ABCA1: variants seen among roughly 807,000 people sequenced by gnomAD.
ABCA1 encodes the protein phospholipid-transporting ATPase ABCA1.
In ABCA1, 133 loss-of-function variants were observed where a neutral mutation model predicts 262.5. That is an observed-to-expected ratio of 0.51 (90% confidence interval 0.44 to 0.59). The LOEUF (loss-of-function observed/expected upper bound fraction) is 0.59. ABCA1 is among the 20% of genes least tolerant of loss of function. ABCA1 has a pLI of 0.00. For missense variants in ABCA1, 2,452 were observed against 2,777.5 expected, an observed-to-expected ratio of 0.88 and a Z score of 2.63; for synonymous variants, 1,022 against 1,043.5, an observed-to-expected ratio of 0.98 and a Z score of 0.40.
At chr9:104,911,785 T>C (rs958810331) in intron 1 of ABCA1, among the ~76,000 whole-genome samples, 1 of 152,112 alleles carries the variant, frequency 6.6e-6, no homozygotes, top group South Asian at 2.1e-4. Context: ...GTTCCTATTT[T>C]TAAAGGCAAC....
At chr9:104,845,315 A>G (rs1225039380) in intron 8 of ABCA1, among the ~76,000 whole-genome samples, 162 bp downstream of exon 8, 3 of 152,272 alleles carry the variant, frequency 2.0e-5, no homozygotes, top group Admixed American at 6.5e-5. Flanking sequence ...CATTTCTAAA[A>G]TAAGGAAATC....
At chr9:104,798,984 A>G (rs1830117221) in intron 36 of ABCA1, among the ~76,000 whole-genome samples, 2 of 152,190 alleles carry the variant, frequency 1.3e-5, no homozygotes, top group South Asian at 4.1e-4. Context: ...TGAGAGCAGA[A>G]ATATTACTCT....
chr9:104,892,717 G>A (rs1180356734), intron 2 of ABCA1, among the ~76,000 whole-genome samples: 1 of 151,736 alleles, frequency 6.6e-6, no homozygotes, highest in Non-Finnish European at 1.5e-5. Flanking sequence ...GAGCCCTTTG[G>A]GAAAGCAATG....
rs1832777409 is a variant in ABCA1 at position 104,825,956 on chromosome 9, A to T, written c.2338-69T>A. On this transcript the variant is annotated intron_variant, in intron 16 of 49. Transcript: ENST00000374736. ...CTCATTTTTCTATCTCTTCTAGTGT[A>T]AATTATACCTGGAGAAATTTGAATT... The T allele has an allele frequency of 2.6e-6, 4 of 1,535,292 alleles. No homozygotes were observed. In the African/African-American group the frequency reaches 5.5e-5, roughly 21 times the overall value.
chr9:104,793,496 C>T (rs1035205804), intron 40 of ABCA1, among the ~76,000 whole-genome samples, 196 bp from the exon 41 acceptor site: 1 of 150,990 alleles, frequency 6.6e-6, no homozygotes, highest in African/African-American at 2.4e-5. Context: ...TTTTTATGAC[C>T]CAGTATCAAT....
At chr9:104,902,305 A>G (rs1010689595) in intron 2 of ABCA1, among the ~76,000 whole-genome samples, 7 of 152,234 alleles carry the variant, frequency 4.6e-5, no homozygotes, top group Non-Finnish European at 1.0e-4. Flanking sequence ...TTGTGTTGGC[A>G]CCAGTATAAT....
Position 104,845,505 on chromosome 9 carries a change from A to G in ABCA1, c.785T>C (p.Leu262Pro). 1.9e-6 allele frequency: 3 copies of G among 1,614,104 alleles called. No individual in the cohort carries two copies. The highest frequency in any genetic ancestry group is 2.5e-6 in the Non-Finnish European group (3 of 1,179,948). The change falls in exon 8 of 50, where the codon CTG (leucine) becomes CCG (proline). Residue 262 changes from leucine to proline, a missense_variant. By Grantham distance (98) the Leu-to-Pro change is moderately conservative (BLOSUM62 -3). This residue lies in a region of ABCA1 where 1,032 missense variants were observed against 1,089.7 expected (regional missense o/e 0.95). Transcript: ENST00000374736. ...KELAEATKTL[L>P]HSLGTLAQEL... ...CTGGGCCAGAGTCCCAAGACTATGC[A>G]GCAATGTTTTTGTGGCTTCAGCCAG... is the stretch of plus-strand genomic sequence containing the variant.
At chr9:104,855,180 A>T in intron 7 of ABCA1, 1 of 984,798 alleles carries the variant, frequency 1.0e-6, no homozygotes, top group Non-Finnish European at 1.2e-6. Context: ...ACACTGATCT[A>T]CAGAAGAAAA....
intron 6 of ABCA1, among the ~76,000 whole-genome samples, chr9:104,859,815 C>T (rs2119098770): frequency 6.6e-6 from 1 of 152,190 alleles, no homozygotes; most frequent in South Asian, 2.1e-4. Context: ...CTTTGGGAGG[C>T]CAAGGCAGAC....
intron 7 of ABCA1, among the ~76,000 whole-genome samples, chr9:104,851,856 T>TG (rs1268063603): frequency 2.0e-5 from 3 of 152,168 alleles, no homozygotes; most frequent in Non-Finnish European, 2.9e-5. Context: ...CTACACGAAA[T>TG]GAACACTGGA....
Position 104,814,485 on chromosome 9 carries a change from G to C in ABCA1, c.3739-10C>G. On this transcript the variant is annotated splice_polypyrimidine_tract_variant and intron_variant, in intron 25 of 49. Coordinates refer to ENST00000374736, the MANE Select transcript of ABCA1 (RefSeq NM_005502.4). The stretch of plus-strand genomic sequence containing the variant: ...CCACCTTGAGGAATATCTGGAAAAT[G>C]AGAGAGATGAGAACATTATAAGCAC... The C allele has an allele frequency of 6.2e-7, 1 of 1,613,768 alleles. No homozygotes were observed. The highest frequency in any genetic ancestry group is 8.5e-7 in the Non-Finnish European group (1 of 1,179,666).
At position 104,826,793 on chromosome 9, in the gene ABCA1, G is replaced by T. The variant is rs57753200; in HGVS notation, c.2337+155C>A. On this transcript the variant is annotated intron_variant, in intron 16 of 49. Transcript: ENST00000374736. ...AACAATTTAATAAAACACAATGCTT[G>T]CCCTTACCCTTAAAGAGCTTAGAAT... Among the ~76,000 whole-genome samples, 7,257 of 152,238 alleles carry T rather than the reference G, an allele frequency of 0.048. 616 individuals carry two copies. Among genetic ancestry groups the T allele is most frequent in the African/African-American group, 0.17 (6,931 of 41,506 alleles).
rs1288099876 is a variant in ABCA1, at chr9:104,781,667, G to A, written c.*2648C>T. 6.6e-6 allele frequency: 1 copy of A among 152,558 alleles called. No individual in the cohort carries two copies. Among genetic ancestry groups the A allele is most frequent in the East Asian group, 1.9e-4 (1 of 5,204 alleles). 9.5% of individuals were successfully genotyped at this position (152,558 alleles called of 1,614,324 possible). ...TTGTTTTTTAACAATGAATTGTGCT[G>A]GGCATTTATGTATAGAGGGCTTATT... is the stretch of plus-strand genomic sequence containing the variant. On this transcript the variant is annotated 3_prime_UTR_variant, in exon 50 of 50. Coordinates refer to ENST00000374736, the MANE Select transcript of ABCA1 (RefSeq NM_005502.4).
In ABCA1 at chr9:104,783,689, G is replaced by C. The variant is rs917061398; in HGVS notation, c.*626C>G. On this transcript the variant is annotated 3_prime_UTR_variant, in exon 50 of 50. Transcript: ENST00000374736. ...AGCTTATCAGAGGGAATCAAAGCAGGATGTTAGCCACGCATGGCACCATTC... is the reference window on the plus strand; with the variant it reads ...AGCTTATCAGAGGGAATCAAAGCAGCATGTTAGCCACGCATGGCACCATTC... 1.1e-4 allele frequency: 17 copies of C among 153,194 alleles called. No homozygotes were observed. Among genetic ancestry groups the C allele is most frequent in the African/African-American group, 4.1e-4 (17 of 41,448 alleles). The allele number at this position is 153,194 out of a possible 1,614,324, so 9.5% of individuals were successfully genotyped here.
At chr9:104,833,063 A>G (rs1833484898) in intron 11 of ABCA1, among the ~76,000 whole-genome samples, 1 of 152,206 alleles carries the variant, frequency 6.6e-6, no homozygotes, top group Non-Finnish European at 1.5e-5. Flanking sequence ...CATCTCACTT[A>G]ATGGTATTAA....
At chr9:104,913,210 G>T (rs550768695) in intron 1 of ABCA1, among the ~76,000 whole-genome samples, 6 of 152,172 alleles carry the variant, frequency 3.9e-5, no homozygotes, top group East Asian at 1.9e-4. Flanking sequence ...TTTCCTTTGG[G>T]TCTATTCTAC....
intron 46 of ABCA1, 108 bp from the exon 47 acceptor site, chr9:104,787,084 C>A: frequency 3.5e-6 from 3 of 858,834 alleles, no homozygotes; most frequent in South Asian, 1.8e-5. Context: ...TTTTAACTTG[C>A]CATTCTAGTT....
intron 16 of ABCA1, 98 bp from the exon 17 acceptor site, chr9:104,825,985 A>C: frequency 8.2e-7 from 1 of 1,226,776 alleles, no homozygotes; most frequent in Non-Finnish European, 1.2e-6. Context: ...TTGAATTTGC[A>C]AAATGGATCA....
intron 8 of ABCA1, among the ~76,000 whole-genome samples, chr9:104,841,799 G>A (rs1281102175): frequency 6.6e-6 from 1 of 152,242 alleles, no homozygotes; most frequent in Non-Finnish European, 1.5e-5. Flanking sequence ...AGGCATCAAT[G>A]ACCCAGGCAG....
Sources: allele counts gnomAD v4.1 joint callset (sites outside exome capture counted in the v4.1 genomes callset), GRCh38; gene constraint gnomAD v4.1.1; regional missense constraint gnomAD v4.1.1; transcripts MANE v1.5; gene names NCBI Gene and HGNC (gene_info 2026-07-23, HGNC 2026-07-21).